The following NPAT variants were observed in gnomAD, a reference collection of about 807,000 sequenced individuals.
The protein encoded by NPAT is nuclear protein, coactivator of histone transcription, also known as protein NPAT.
In NPAT, 52 loss-of-function variants were observed where a neutral mutation model predicts 130.7. That is an observed-to-expected ratio of 0.40 (90% CI 0.32 to 0.50). NPAT has a LOEUF of 0.50. NPAT is among the 20% of genes least tolerant of loss of function. The pLI is 0.68. For missense variants in NPAT, 1,687 were observed against 1,662.6 expected (o/e 1.01, Z -0.26); for synonymous variants, 580 against 584.8 (o/e 0.99, Z 0.12).
chr11:108,191,417 T>A (rs1298718015), intron 4 of NPAT, among the ~76,000 whole-genome samples: 1 of 152,170 alleles, frequency 6.6e-6, no homozygotes, highest in Non-Finnish European at 1.5e-5. Flanking sequence ...ACGGTGCCAT[T>A]ATCATAAAAA....
At chr11:108,174,615 CTT>C (rs1208012953) in intron 12 of NPAT, among the ~76,000 whole-genome samples, 3 of 132,610 alleles carry the variant, frequency 2.3e-5, no homozygotes, top group Non-Finnish European at 3.3e-5. Flanking sequence ...AGAGTATTTC[CTT>C]TTTTTTTTTT....
rs1302877835 is a variant in NPAT, at chr11:108,206,177, T to C, written c.38-8757A>G. Among the ~76,000 whole-genome samples, 3 of 152,246 alleles carry C rather than the reference T, an allele frequency of 2.0e-5. No homozygotes were observed. In the East Asian group the frequency reaches 5.8e-4, roughly 29 times the overall value. ...GCATATAATGTATGAAGGTGTAATT[T>C]ATATGACCTTAAAAACATGATCCAA... On this transcript the variant is annotated intron_variant, in intron 1 of 17. Coordinates refer to ENST00000278612, the MANE Select transcript of NPAT (RefSeq NM_002519.3).
intron 10 of NPAT, among the ~76,000 whole-genome samples, chr11:108,182,732 C>T (rs551357336): frequency 2.0e-5 from 3 of 152,250 alleles, no homozygotes; most frequent in Non-Finnish European, 4.4e-5. Context: ...TCAGGTGATC[C>T]ACCTGCCTCA....
intron 10 of NPAT, among the ~76,000 whole-genome samples, chr11:108,184,512 T>TATG (rs2078086305): frequency 7.0e-6 from 1 of 143,600 alleles, no homozygotes; most frequent in Non-Finnish European, 1.5e-5. Context: ...TTGTTAACTA[T>TATG]TACTTGGATT....
At chr11:108,221,216 TG>T (rs749171068) in intron 1 of NPAT, among the ~76,000 whole-genome samples, 2 of 152,176 alleles carry the variant, frequency 1.3e-5, no homozygotes, top group Non-Finnish European at 2.9e-5. Flanking sequence ...GGTGTCCTAC[TG>T]TAATCTAGTG....
At chr11:108,187,128 AG>A (rs769586324) in intron 7 of NPAT, among the ~76,000 whole-genome samples, 5 of 152,170 alleles carry the variant, frequency 3.3e-5, no homozygotes, top group Non-Finnish European at 7.3e-5. Flanking sequence ...TTAAAAAGTC[AG>A]GGTTCCTATA....
intron 15 of NPAT, among the ~76,000 whole-genome samples, chr11:108,165,474 T>TATA (rs1482555160): frequency 5.7e-5 from 6 of 105,816 alleles, no homozygotes; most frequent in Non-Finnish European, 8.8e-5. Context: ...ATATATATAT[T>TATA]TTTTTTTTGT....
In NPAT at chr11:108,161,768, G is replaced by C; in HGVS notation, c.3318C>G (p.Thr1106=). The C allele has an allele frequency of 3.1e-6, 5 of 1,613,824 alleles. No individual in the cohort carries two copies. Among genetic ancestry groups the C allele is most frequent in the Non-Finnish European group, 4.2e-6 (5 of 1,180,044 alleles). The change falls in exon 17 of 18, where the codon ACC becomes ACG. Residue 1106 remains threonine, a synonymous_variant. Coordinates refer to ENST00000278612, the MANE Select transcript of NPAT (RefSeq NM_002519.3). ...PNLDSPNVSS[T]LKPPSNNAIK... ...TAGCATTATTAGAAGGGGGTTTTAA[G>C]GTGGAGGACACATTGGGTGAGTCAA...
intron 11 of NPAT, among the ~76,000 whole-genome samples, chr11:108,176,594 T>C (rs2078008327): frequency 6.6e-6 from 1 of 152,216 alleles, no homozygotes; most frequent in South Asian, 2.1e-4. Context: ...TTCTAACGAG[T>C]TCTCAGATAA....
chr11:108,175,338 A>C (rs1173139957), intron 12 of NPAT, among the ~76,000 whole-genome samples: 1 of 152,206 alleles, frequency 6.6e-6, no homozygotes, highest in Non-Finnish European at 1.5e-5. Context: ...GGGGCTTGGA[A>C]TATATCCCCC....
chr11:108,209,222 G>C (rs1250323818), intron 1 of NPAT, among the ~76,000 whole-genome samples: 5 of 152,180 alleles, frequency 3.3e-5, no homozygotes, highest in African/African-American at 4.8e-5. Flanking sequence ...GGAGGCTGCA[G>C]TGAGCCAAGA....
chr11:108,169,629 G>A, intron 15 of NPAT, 115 bp downstream of exon 15: 4 of 787,768 alleles, frequency 5.1e-6, no homozygotes, highest in Admixed American at 3.9e-5. Context: ...GCAAATGTAG[G>A]GTGATCACTT....
At chr11:108,219,229 T>C (rs1224770915) in intron 1 of NPAT, among the ~76,000 whole-genome samples, 2 of 152,150 alleles carry the variant, frequency 1.3e-5, no homozygotes, top group Admixed American at 6.5e-5. Context: ...CCCCATTCCC[T>C]TTCTGCCTCA....
chr11:108,222,621 G>C lies in NPAT; in HGVS notation c.-85C>G, dbSNP rs2078544242. ...CGACAGCTCCTGCGCCGCATCTCCTGGTTCCAGTGGCGGCACTGAACTCGC... is the reference window on the plus strand; with the variant it reads ...CGACAGCTCCTGCGCCGCATCTCCTCGTTCCAGTGGCGGCACTGAACTCGC... On this transcript the variant is annotated 5_prime_UTR_variant, in exon 1 of 18. Transcript: ENST00000278612. 1 of 1,459,094 alleles carries C rather than the reference G, an allele frequency of 6.9e-7. No homozygotes were observed. The highest frequency in any genetic ancestry group is 1.2e-5 in the South Asian group (1 of 85,726). The allele number at this position is 1,459,094 out of a possible 1,614,324, so 90.4% of individuals were successfully genotyped here.
intron 1 of NPAT, among the ~76,000 whole-genome samples, chr11:108,216,937 T>C (rs928871870): frequency 1.3e-5 from 2 of 152,216 alleles, no homozygotes; most frequent in African/African-American, 2.4e-5. Context: ...ACTACTCTCA[T>C]GTTCACTGAT....
Position 108,172,452 on chromosome 11 carries a change from G to C in NPAT, c.2532C>G (p.Ser844=), listed in dbSNP as rs749639803. The C allele has an allele frequency of 1.2e-6, 2 of 1,614,070 alleles. No individual in the cohort carries two copies. The highest frequency in any genetic ancestry group is 1.6e-4 in the Middle Eastern group (1 of 6,062). ...TCAACTGTATATATCCTCCATCCTT[G>C]GAAACACATGGTGTAACATTAGCTG... is the stretch of plus-strand genomic sequence containing the variant. ...AFSANVTPCV[S]KDGGYIQLMP... Residue 844 remains serine, a synonymous_variant, in exon 13 of 18, where the codon TCC becomes TCG. Transcript: ENST00000278612.
intron 2 of NPAT, among the ~76,000 whole-genome samples, chr11:108,196,143 T>G (rs1488021289): frequency 6.6e-6 from 1 of 152,218 alleles, no homozygotes. Context: ...AATTTTTGCA[T>G]AAGGTATGAG....
At position 108,187,818 on chromosome 11, in the gene NPAT, C is replaced by T. The variant is rs150225266; in HGVS notation, c.638+280G>A. Among the ~76,000 whole-genome samples the T allele has an allele frequency of 6.1e-3, 929 of 152,098 alleles. 6 individuals are homozygous for T. Among genetic ancestry groups the T allele is most frequent in the East Asian group, 0.01 (54 of 5,184 alleles). On this transcript the variant is annotated intron_variant, in intron 7 of 17. Transcript: ENST00000278612. ...TTAAAAAACATGGATTGCAAAAAAT[C>T]TCAGATAACATCATTTGTAAGATAT...
At chr11:108,198,589 T>C (rs2078246323) in intron 1 of NPAT, among the ~76,000 whole-genome samples, 1 of 152,188 alleles carries the variant, frequency 6.6e-6, no homozygotes, top group African/African-American at 2.4e-5. Flanking sequence ...CTGCCAGTTC[T>C]GTGTAGAGCC....
Sources: gnomAD v4.1 joint callset for allele counts (sites outside exome capture counted in the v4.1 genomes callset) on GRCh38, gnomAD v4.1.1 for gene constraint, MANE v1.5 for transcripts, NCBI Gene and HGNC (gene_info 2026-07-23, HGNC 2026-07-21) for gene names.